The following ATP6AP2 variants were observed in gnomAD, a reference collection of about 807,000 sequenced individuals.
ATP6AP2 encodes the protein renin receptor.
ATP6AP2 carries 1 observed loss-of-function variant against 23.4 expected under a neutral mutation model. That is an observed-to-expected ratio of 0.04 (90% CI 0.02 to 0.20). ATP6AP2 has a LOEUF of 0.20. ATP6AP2 is among the 10% of genes least tolerant of loss of function. The pLI is 1.00. For missense variants in ATP6AP2, 174 were observed against 271.3 expected (o/e 0.64, Z 2.52); for synonymous variants, 90 against 97.1 (o/e 0.93, Z 0.43).
chrX:40,598,737 A>G lies in ATP6AP2; in HGVS notation c.588+3A>G. The G allele has an allele frequency of 8.3e-7, 1 of 1,206,388 alleles. No individual in the cohort carries two copies. The highest frequency in any genetic ancestry group is 1.8e-5 in the South Asian group (1 of 56,815). On this transcript the variant is annotated splice_donor_region_variant and intron_variant, in intron 6 of 8. Coordinates refer to ENST00000636580, the MANE Select transcript of ATP6AP2 (RefSeq NM_005765.3). ...TGCTACATGATATTTCAAGCTTGGT[A>G]AGTAGGCTGCTCTAATTTTTTAATT...
At chrX:40,581,573 C>T (rs1225746085) in intron 1 of ATP6AP2, among the ~76,000 whole-genome samples, 8 of 112,520 alleles carry the variant, frequency 7.1e-5, no homozygotes, top group Admixed American at 1.9e-4. Flanking sequence ...CCCTCCCTTC[C>T]CTTATGTATA....
At chrX:40,594,297 G>C (rs1282950641) in intron 3 of ATP6AP2, among the ~76,000 whole-genome samples, 1 of 111,975 alleles carries the variant, frequency 8.9e-6, no homozygotes. Flanking sequence ...ACACCCAGTA[G>C]GCAAAAGCCA....
chrX:40,590,447 C>T (rs1926599521), intron 2 of ATP6AP2: 1 of 111,757 alleles, frequency 8.9e-6, no homozygotes, highest in African/African-American at 3.3e-5. Flanking sequence ...GGCCTGATCT[C>T]GGCTTACTGC....
chrX:40,603,752 T>C (rs889851258), intron 8 of ATP6AP2, among the ~76,000 whole-genome samples: 3 of 110,851 alleles, frequency 2.7e-5, no homozygotes, highest in African/African-American at 9.9e-5. Flanking sequence ...TTTTTTCTTT[T>C]CTTTTTTTGA....
At chrX:40,599,972 A>G (rs1926865624) in intron 7 of ATP6AP2, 6 of 391,264 alleles carry the variant, frequency 1.5e-5, no homozygotes, top group African/African-American at 2.5e-5. Context: ...ACAAAGCTTT[A>G]CAAAATTATT....
At chrX:40,601,500 G>A (rs1295793667) in intron 8 of ATP6AP2, among the ~76,000 whole-genome samples, 1 of 111,646 alleles carries the variant, frequency 9.0e-6, no homozygotes, top group Non-Finnish European at 1.9e-5. Context: ...CATTTAGAGG[G>A]TCAGGGTTAA....
At chrX:40,592,955 A>T (rs1341250370) in intron 3 of ATP6AP2, among the ~76,000 whole-genome samples, 1 of 112,208 alleles carries the variant, frequency 8.9e-6, no homozygotes, top group Non-Finnish European at 1.9e-5. Context: ...ATATCTTAAA[A>T]GGGTATTTGG....
Position 40,600,781 on chromosome X carries a change from G to C in ATP6AP2, c.758G>C (p.Ser253Thr). The change falls in exon 8 of 9, where the codon AGT (serine) becomes ACT (threonine). Residue 253 changes from serine (S) to threonine (T), a missense_variant. Coordinates refer to ENST00000636580, the MANE Select transcript of ATP6AP2 (RefSeq NM_005765.3). Reference sequence around the variant, plus strand: ...TTTCAGTTTGCAGATGACATGTACAGTCTTTATGGTGGGAATGCAGTGGTA... The same window carrying C: ...TTTCAGTTTGCAGATGACATGTACACTCTTTATGGTGGGAATGCAGTGGTA... ...ALQKFADDMY[S>T]LYGGNAVVEL... 1 of 1,207,874 alleles carries C rather than the reference G, an allele frequency of 8.3e-7. No individual in the cohort carries two copies. The highest frequency in any genetic ancestry group is 1.1e-6 in the Non-Finnish European group (1 of 892,608).
chrX:40,581,338 C>T (rs1200029253), intron 1 of ATP6AP2, among the ~76,000 whole-genome samples: 1 of 113,330 alleles, frequency 8.8e-6, no homozygotes, highest in Non-Finnish European at 1.9e-5. Flanking sequence ...CTGAGCCTGC[C>T]TCCACCCTCC....
Position 40,589,127 on chromosome X carries a change from A to G in ATP6AP2, c.168+11A>G, listed in dbSNP as rs752308326. The stretch of plus-strand genomic sequence containing the variant: ...TTCTCTGTGAAAGAAGTATGTATAT[A>G]TTTTTTAAATGTTTGGAGCTGCTTT... On this transcript the variant is annotated intron_variant, in intron 2 of 8. Coordinates refer to ENST00000636580, the MANE Select transcript of ATP6AP2 (RefSeq NM_005765.3). 4 of 1,205,689 alleles carry G rather than the reference A, an allele frequency of 3.3e-6. No homozygotes were observed. The Admixed American group carries it at 8.8e-5, about 26-fold the overall frequency.
chrX:40,594,882 A>G (rs1926738633), intron 3 of ATP6AP2, among the ~76,000 whole-genome samples: 1 of 111,985 alleles, frequency 8.9e-6, no homozygotes, highest in South Asian at 3.7e-4. Flanking sequence ...GAAAAGGGAA[A>G]TTTATAGCCT....
At chrX:40,600,994 T>C in intron 8 of ATP6AP2, 113 bp downstream of exon 8, 2 of 800,847 alleles carry the variant, frequency 2.5e-6, no homozygotes, top group Non-Finnish European at 3.6e-6. Flanking sequence ...TCAGTAAATC[T>C]GAAAAACAAT....
At chrX:40,596,133 C>T (rs745851024) in intron 3 of ATP6AP2, among the ~76,000 whole-genome samples, 6 of 109,776 alleles carry the variant, frequency 5.5e-5, no homozygotes, top group African/African-American at 1.3e-4. Context: ...GAGCCGAGAT[C>T]GCGCCACTGT....
chrX:40,604,904 A>T (rs1927029810), intron 8 of ATP6AP2, among the ~76,000 whole-genome samples: 1 of 104,693 alleles, frequency 9.6e-6, no homozygotes, highest in Non-Finnish European at 1.9e-5. Context: ...GCTTGTAGGG[A>T]TATACCACAA....
At chrX:40,601,734 C>T (rs1207979615) in intron 8 of ATP6AP2, among the ~76,000 whole-genome samples, 3 of 111,825 alleles carry the variant, frequency 2.7e-5, no homozygotes, top group Non-Finnish European at 5.6e-5. Flanking sequence ...CATACACCTC[C>T]GCTTCAGACC....
chrX:40,595,370 A>C (rs1926751586), intron 3 of ATP6AP2, among the ~76,000 whole-genome samples: 1 of 112,328 alleles, frequency 8.9e-6, no homozygotes, highest in Non-Finnish European at 1.9e-5. Flanking sequence ...TAGCTGTTTT[A>C]GTTAGAATTT....
chrX:40,586,692 A>C (rs1312493999), intron 1 of ATP6AP2, among the ~76,000 whole-genome samples: 1 of 112,141 alleles, frequency 8.9e-6, no homozygotes, highest in Non-Finnish European at 1.9e-5. Context: ...CATCACTGGT[A>C]GTATTGAAAT....
intron 3 of ATP6AP2, among the ~76,000 whole-genome samples, chrX:40,592,987 C>T (rs1358527156): frequency 8.9e-6 from 1 of 112,390 alleles, no homozygotes; most frequent in African/African-American, 3.2e-5. Flanking sequence ...ATGGCTCACG[C>T]CTGTAATCCC....
chrX:40,595,339 C>T (rs1926750835), intron 3 of ATP6AP2, among the ~76,000 whole-genome samples: 1 of 111,610 alleles, frequency 9.0e-6, no homozygotes, highest in Admixed American at 9.6e-5. Flanking sequence ...TTCCATTTAA[C>T]GAAGCTTCCA....
Sources: gnomAD v4.1 joint callset for allele counts (sites outside exome capture counted in the v4.1 genomes callset) on GRCh38, gnomAD v4.1.1 for gene constraint, MANE v1.5 for transcripts, NCBI Gene and HGNC (gene_info 2026-07-23, HGNC 2026-07-21) for gene names.